CES1: variants seen among roughly 807,000 people sequenced by gnomAD.
The protein encoded by CES1 is liver carboxylesterase 1.
Under a neutral mutation model 53.0 loss-of-function variants are expected in CES1, and 50 were observed. That is an observed-to-expected ratio of 0.94 (90% confidence interval 0.75 to 1.19). CES1 has a LOEUF of 1.19. CES1 is among the 50% of genes most tolerant of loss of function. The pLI is 0.00. For synonymous variants in CES1, 202 were observed against 210.1 expected (o/e 0.96, Z 0.33); for missense variants, 534 against 538.0 (o/e 0.99, Z 0.07).
At chr16:55,830,582 CA>C (rs1234852430) in intron 1 of CES1, among the ~76,000 whole-genome samples, 1 of 152,004 alleles carries the variant, frequency 6.6e-6, no homozygotes, top group East Asian at 1.9e-4. Context: ...GCAGGCAGAT[CA>C]TTTGAGGTCA....
Position 55,812,876 on chromosome 16 carries a change from CCCTCCAACAGACATGTG to C in CES1, c.1086+10_1086+26del. On this transcript the variant is annotated intron_variant, in intron 9 of 13. Coordinates refer to ENST00000360526, the MANE Select transcript of CES1 (RefSeq NM_001025195.2). ...GGAGGGCTGATGGGGGTGGTTGAGT[CCCTCCAACAGACATGTG>C]CCTTCTCACCATTGGAATCAACCAG... The C allele has an allele frequency of 6.2e-7, 1 of 1,613,484 alleles. No individual in the cohort carries two copies. Among genetic ancestry groups the C allele is most frequent in the Non-Finnish European group, 8.5e-7 (1 of 1,179,990 alleles).
chr16:55,815,662 C>G (rs1224223288), intron 8 of CES1, among the ~76,000 whole-genome samples: 1 of 152,084 alleles, frequency 6.6e-6, no homozygotes, highest in African/African-American at 2.4e-5. Context: ...CAGACTCCAA[C>G]TACTCCTCCC....
At chr16:55,815,439 G>A (rs1381298876) in intron 8 of CES1, among the ~76,000 whole-genome samples, 1 of 152,200 alleles carries the variant, frequency 6.6e-6, no homozygotes, top group African/African-American at 2.4e-5. Context: ...CAAGAGACGG[G>A]AGCACCTCAG....
intron 11 of CES1, among the ~76,000 whole-genome samples, chr16:55,809,486 C>T (rs572277057): frequency 4.9e-4 from 74 of 152,354 alleles, no homozygotes; most frequent in Non-Finnish European, 8.4e-4. Context: ...GAAAAGGAAT[C>T]CTGTGAATCT....
At chr16:55,830,634 C>T (rs2032601465) in intron 1 of CES1, among the ~76,000 whole-genome samples, 1 of 151,936 alleles carries the variant, frequency 6.6e-6, no homozygotes, top group African/African-American at 2.4e-5. Flanking sequence ...GAAACCCCCT[C>T]TCTACTGAAA....
chr16:55,830,830 G>A (rs145861574), intron 1 of CES1, among the ~76,000 whole-genome samples: 189 of 151,928 alleles, frequency 1.2e-3, no homozygotes, highest in African/African-American at 1.6e-3. Context: ...AGGCAGGCAG[G>A]CAGGCAGGCA....
chr16:55,828,557 C>A (rs1291916461), intron 2 of CES1, among the ~76,000 whole-genome samples: 1 of 152,136 alleles, frequency 6.6e-6, no homozygotes, highest in African/African-American at 2.4e-5. Context: ...ATCCCAAGAA[C>A]CCAGAACACG....
chr16:55,812,810 A>G lies in CES1; in HGVS notation c.1086+93T>C. 5 of 1,544,130 alleles carry G rather than the reference A, an allele frequency of 3.2e-6. No homozygotes were observed. The South Asian group carries it at 5.6e-5, about 17-fold the overall frequency. On this transcript the variant is annotated intron_variant, in intron 9 of 13. Transcript: ENST00000360526. ...AAGGGAACAGCTGCCCAGGACTCAG[A>G]GTGCAGCTCGGAGAGGGAAGCATTC...
At chr16:55,819,227 T>C (rs1597077761) in intron 7 of CES1, among the ~76,000 whole-genome samples, 2 of 152,370 alleles carry the variant, frequency 1.3e-5, no homozygotes, top group South Asian at 2.1e-4. Context: ...AAATTCAGGA[T>C]GATGGTGTCC....
intron 3 of CES1, among the ~76,000 whole-genome samples, chr16:55,825,658 A>T (rs1372732010): frequency 1.3e-5 from 2 of 152,220 alleles, no homozygotes; most frequent in African/African-American, 2.4e-5. Flanking sequence ...ATACAAGCTC[A>T]ATGCCCTACT....
intron 3 of CES1, among the ~76,000 whole-genome samples, chr16:55,824,183 C>T (rs1215374511): frequency 2.0e-5 from 3 of 152,148 alleles, no homozygotes; most frequent in East Asian, 1.9e-4. Flanking sequence ...TCAAATGCCT[C>T]CTTATGCCTC....
intron 1 of CES1, among the ~76,000 whole-genome samples, chr16:55,830,555 C>G (rs1451921456): frequency 1.3e-5 from 2 of 152,138 alleles, no homozygotes; most frequent in Admixed American, 6.5e-5. Context: ...GTAATCCCAG[C>G]ACTTTGGGAG....
In CES1 at chr16:55,832,696, G is replaced by T. The variant is rs567563954; in HGVS notation, c.52+308C>A. Among the ~76,000 whole-genome samples, 15 of 152,352 alleles carry T rather than the reference G, an allele frequency of 9.8e-5. No homozygotes were observed. The South Asian group carries it at 2.9e-3, about 29-fold the overall frequency. On this transcript the variant is annotated intron_variant, in intron 1 of 13. Transcript: ENST00000360526. ...GCTCTCCGTGATCCAGCCGTAAGGG[G>T]ACTAATTAAGGGACAGCAAACTGAG...
rs538712025 is a variant in CES1 at position 55,824,139 on chromosome 16, G to A, written c.406-456C>T. Among the ~76,000 whole-genome samples the A allele has an allele frequency of 1.3e-4, 20 of 152,002 alleles. No homozygotes were observed. In the East Asian group the frequency reaches 2.7e-3, roughly 21 times the overall value. ...TTCTCTGTGCATGAATGATTGTCTCGAGAAGCACACGTGCCTGTGATGGTG... is the reference window on the plus strand; with the variant it reads ...TTCTCTGTGCATGAATGATTGTCTCAAGAAGCACACGTGCCTGTGATGGTG... On this transcript the variant is annotated intron_variant, in intron 3 of 13. Coordinates refer to ENST00000360526, the MANE Select transcript of CES1 (RefSeq NM_001025195.2).
chr16:55,830,002 G>A (rs2032576017), intron 1 of CES1, among the ~76,000 whole-genome samples: 1 of 152,180 alleles, frequency 6.6e-6, no homozygotes, highest in Non-Finnish European at 1.5e-5. Context: ...TCTGGCTCCA[G>A]TCACCTCAGT....
intron 8 of CES1, among the ~76,000 whole-genome samples, chr16:55,815,089 G>A (rs1336613858): frequency 3.9e-5 from 6 of 152,240 alleles, no homozygotes; most frequent in Non-Finnish European, 7.3e-5. Flanking sequence ...TTTCTAAACA[G>A]TGGGAACCGC....
At chr16:55,826,667 C>G (rs2032430435) in intron 2 of CES1, among the ~76,000 whole-genome samples, 1 of 152,154 alleles carries the variant, frequency 6.6e-6, no homozygotes, top group Admixed American at 6.5e-5. Context: ...CTAGTTTTGT[C>G]TCTCCCATGC....
chr16:55,828,279 C>T (rs534277566), intron 2 of CES1: 9 of 254,060 alleles, frequency 3.5e-5, no homozygotes, highest in East Asian at 9.1e-5. Flanking sequence ...GAGCACTTGC[C>T]GAGTGGACAC....
At chr16:55,826,047 T>C in intron 3 of CES1, 104 bp downstream of exon 3, 3 of 1,430,274 alleles carry the variant, frequency 2.1e-6, no homozygotes, top group Non-Finnish European at 3.0e-6. Context: ...AATCCTGGCC[T>C]GTGCAGCTCC....
Sources: gnomAD v4.1 joint callset for allele counts (sites outside exome capture counted in the v4.1 genomes callset) on GRCh38, gnomAD v4.1.1 for gene constraint, MANE v1.5 for transcripts, NCBI Gene and HGNC (gene_info 2026-07-23, HGNC 2026-07-21) for gene names.